Variants in GORAB observed in about 807,000 individuals in gnomAD.
GORAB encodes the protein RAB6-interacting golgin.
A neutral mutation model predicts 29.9 loss-of-function variants in GORAB; 17 were observed. That is an observed-to-expected ratio of 0.57 (90% confidence interval 0.39 to 0.85). The LOEUF (loss-of-function observed/expected upper bound fraction) is 0.85, where lower values mean the gene tolerates loss of function less well. Ranked by LOEUF, GORAB falls within the 40% of genes least tolerant of loss-of-function variation. GORAB has a pLI of 0.00. For missense variants in GORAB, 442 were observed against 437.8 expected (o/e 1.01, Z -0.09); for synonymous variants, 183 against 157.2 (o/e 1.16, Z -1.23).
At chr1:170,533,578 A>T (rs947083012) in intron 1 of GORAB, 7 of 455,018 alleles carry the variant, frequency 1.5e-5, no homozygotes, top group African/African-American at 1.4e-4. Flanking sequence ...GAGGAACCTC[A>T]CTCTGCCGGG....
At chr1:170,551,479 T>C (rs759969223) in intron 4 of GORAB, among the ~76,000 whole-genome samples, 17 of 152,212 alleles carry the variant, frequency 1.1e-4, no homozygotes, top group Non-Finnish European at 2.1e-4. Context: ...TTCTAATTTA[T>C]TAATCAAGAG....
intron 1 of GORAB, among the ~76,000 whole-genome samples, chr1:170,537,710 C>G (rs550678967): frequency 1.3e-5 from 2 of 152,146 alleles, no homozygotes; most frequent in Admixed American, 6.5e-5. Context: ...TTACGCTTCT[C>G]AGTTCACCAC....
intron 4 of GORAB, among the ~76,000 whole-genome samples, chr1:170,551,508 C>A (rs1650099818): frequency 6.6e-6 from 1 of 152,174 alleles, no homozygotes; most frequent in Admixed American, 6.5e-5. Context: ...TCCACTTTCT[C>A]CATCTCTTGT....
intron 4 of GORAB, among the ~76,000 whole-genome samples, chr1:170,546,358 C>G (rs560228892): frequency 6.6e-6 from 1 of 151,806 alleles, no homozygotes; most frequent in African/African-American, 2.4e-5. Flanking sequence ...CCACTGCACT[C>G]CAGCCTGGGC....
intron 1 of GORAB, 129 bp downstream of exon 1, chr1:170,532,413 T>G (rs1648745291): frequency 8.0e-6 from 8 of 998,522 alleles, no homozygotes; most frequent in Admixed American, 1.8e-5. Context: ...TGTAAGTACG[T>G]GGACTGGATT....
At chr1:170,543,170 C>T (rs1649542206) in intron 3 of GORAB, among the ~76,000 whole-genome samples, 1 of 152,164 alleles carries the variant, frequency 6.6e-6, no homozygotes, top group Non-Finnish European at 1.5e-5. Flanking sequence ...TGTCTATCAG[C>T]AGCCCCTTCA....
At chr1:170,535,541 CAA>C (rs749811027) in intron 1 of GORAB, among the ~76,000 whole-genome samples, 2 of 151,984 alleles carry the variant, frequency 1.3e-5, no homozygotes, top group Non-Finnish European at 2.9e-5. Flanking sequence ...TTTTGATGAA[CAA>C]AGTATTTTAT....
Position 170,545,042 on chromosome 1 carries a change from A to T in GORAB, c.662+197A>T, listed in dbSNP as rs1649671673. On this transcript the variant is annotated intron_variant, in intron 4 of 4. Transcript: ENST00000367763. ...TTCCTTAACTCTGCCCTACTAGTTA[A>T]CCTTGTTCGTGTGCCATTAGAGCAG... is the stretch of plus-strand genomic sequence containing the variant. 4.6e-6 allele frequency: 6 copies of T among 1,295,820 alleles called. No individual in the cohort carries two copies. The East Asian group carries it at 1.6e-4, about 36-fold the overall frequency. 80.3% of individuals were successfully genotyped at this position (1,295,820 alleles called of 1,614,324 possible). A position where few individuals can be genotyped will look rare whatever the true frequency, so the allele number is the denominator to read the frequency against.
chr1:170,550,885 A>G lies in GORAB; in HGVS notation c.663-1130A>G, dbSNP rs1048403337. ...TGCAAAAAGAAAAGCAACAAATTTT[A>G]TAGAAAAGGCAAAAGACAATAAATT... On this transcript the variant is annotated intron_variant, in intron 4 of 4. Coordinates refer to ENST00000367763, the MANE Select transcript of GORAB (RefSeq NM_152281.3). 4.6e-5 allele frequency among the ~76,000 whole-genome samples: 7 copies of G among 152,208 alleles called. No homozygotes were observed. The South Asian group carries it at 8.3e-4, about 18-fold the overall frequency.
intron 1 of GORAB, among the ~76,000 whole-genome samples, chr1:170,537,392 T>C (rs972412630): frequency 6.6e-6 from 1 of 152,158 alleles, no homozygotes; most frequent in Non-Finnish European, 1.5e-5. Flanking sequence ...CAACACTGAA[T>C]ACTGACTGTA....
In GORAB at chr1:170,539,259, A is replaced by G; in HGVS notation, c.111A>G (p.Gln37=). 6.2e-7 allele frequency: 1 copy of G among 1,614,144 alleles called. No individual in the cohort carries two copies. Among genetic ancestry groups the G allele is most frequent in the Non-Finnish European group, 8.5e-7 (1 of 1,179,996 alleles). ...RRLPAKKSRQ[Q]LQREKALVEQ... The stretch of plus-strand genomic sequence containing the variant: ...TCCCCGCGAAGAAAAGTCGACAACA[A>G]CTTCAGCGAGAAAAAGCCCTTGTAG... Residue 37 remains glutamine (Q), a synonymous_variant, in exon 2 of 5, where the codon CAA becomes CAG. Coordinates refer to ENST00000367763, the MANE Select transcript of GORAB (RefSeq NM_152281.3).
chr1:170,532,293 A>G lies in GORAB; in HGVS notation c.61+9A>G, dbSNP rs781007678. On this transcript the variant is annotated intron_variant, in intron 1 of 4. Transcript: ENST00000367763. Reference sequence around the variant, plus strand: ...ACTAAAGCAGACTAAAGGTTACAAGATGGGTTTACAGTGGTTTAATTCTTG... The same window carrying G: ...ACTAAAGCAGACTAAAGGTTACAAGGTGGGTTTACAGTGGTTTAATTCTTG... 1 of 1,613,744 alleles carries G rather than the reference A, an allele frequency of 6.2e-7. No individual in the cohort carries two copies. The highest frequency in any genetic ancestry group is 8.5e-7 in the Non-Finnish European group (1 of 1,179,766).
chr1:170,537,434 G>T (rs938141925), intron 1 of GORAB, among the ~76,000 whole-genome samples: 11 of 152,228 alleles, frequency 7.2e-5, no homozygotes, highest in South Asian at 4.2e-4. Flanking sequence ...AGACTAATCA[G>T]CAGAACCTCT....
chr1:170,549,605 G>C (rs1217048887), intron 4 of GORAB, among the ~76,000 whole-genome samples: 1 of 152,122 alleles, frequency 6.6e-6, no homozygotes, highest in Non-Finnish European at 1.5e-5. Flanking sequence ...CACCTATAGA[G>C]AATGTCAGAA....
intron 1 of GORAB, among the ~76,000 whole-genome samples, chr1:170,537,117 C>T (rs1211541799): frequency 6.6e-6 from 1 of 151,106 alleles, no homozygotes; most frequent in Non-Finnish European, 1.5e-5. Context: ...CCCTTCTTCC[C>T]TCCCTCCCTC....
At chr1:170,548,314 AC>A (rs1478209437) in intron 4 of GORAB, among the ~76,000 whole-genome samples, 3 of 151,212 alleles carry the variant, frequency 2.0e-5, no homozygotes, top group Non-Finnish European at 4.4e-5. Flanking sequence ...ATGTGATTAC[AC>A]TTAGGGTCCA....
rs1650254636 is a variant in GORAB at position 170,553,440 on chromosome 1, T to A, written c.*978T>A. On this transcript the variant is annotated 3_prime_UTR_variant, in exon 5 of 5. Transcript: ENST00000367763. ...TGTGTAAATAAATATTGTAATTTTCTCACAAAGTCTGTGAATATCACATTA... is the reference window on the plus strand; with the variant it reads ...TGTGTAAATAAATATTGTAATTTTCACACAAAGTCTGTGAATATCACATTA... 2.2e-6 allele frequency: 1 copy of A among 446,632 alleles called. No homozygotes were observed. The highest frequency in any genetic ancestry group is 2.4e-5 in the Admixed American group (1 of 41,522). 27.7% of individuals were successfully genotyped at this position (446,632 alleles called of 1,614,324 possible).
Position 170,553,168 on chromosome 1 carries a change from T to C in GORAB, c.*706T>C, listed in dbSNP as rs1650233111. ...GTCTTTCCTTTAATCGATGAATTGATTAAATTTAGACAATTAAAACATTTC... is the reference window on the plus strand; with the variant it reads ...GTCTTTCCTTTAATCGATGAATTGACTAAATTTAGACAATTAAAACATTTC... On this transcript the variant is annotated 3_prime_UTR_variant, in exon 5 of 5. Transcript: ENST00000367763. The C allele has an allele frequency of 2.3e-6, 1 of 432,800 alleles. No individual in the cohort carries two copies. Among genetic ancestry groups the C allele is most frequent in the African/African-American group, 2.0e-5 (1 of 48,798 alleles). The allele number at this position is 432,800 out of a possible 1,614,324, so 26.8% of individuals were successfully genotyped here. A position where few individuals can be genotyped will look rare whatever the true frequency, so the allele number is the denominator to read the frequency against.
chr1:170,553,551 C>T lies in GORAB; in HGVS notation c.*1089C>T, dbSNP rs1571264821. 2.3e-6 allele frequency: 1 copy of T among 437,050 alleles called. No individual in the cohort carries two copies. Among genetic ancestry groups the T allele is most frequent in the Non-Finnish European group, 4.5e-6 (1 of 222,564 alleles). The allele number at this position is 437,050 out of a possible 1,614,324, so 27.1% of individuals were successfully genotyped here. On this transcript the variant is annotated 3_prime_UTR_variant, in exon 5 of 5. Transcript: ENST00000367763. ...TAAAAAAAGAATTATTATCAGAGAA[C>T]ATAAGCACAAGTATAAGATTGTATC... is the stretch of plus-strand genomic sequence containing the variant.
Sources: gnomAD v4.1 joint callset for allele counts (sites outside exome capture counted in the v4.1 genomes callset) on GRCh38, gnomAD v4.1.1 for gene constraint, MANE v1.5 for transcripts, NCBI Gene and HGNC (gene_info 2026-07-23, HGNC 2026-07-21) for gene names.